CLCNKA: variants seen among roughly 807,000 people sequenced by gnomAD.
CLCNKA encodes the protein chloride voltage-gated channel Ka.
A neutral mutation model predicts 83.3 loss-of-function variants in CLCNKA; 66 were observed. The ratio of observed to expected loss-of-function variants is 0.79; its 90% CI spans 0.65 to 0.97. CLCNKA has a LOEUF of 0.97. Ranked by LOEUF, CLCNKA falls within the 50% of genes least tolerant of loss-of-function variation. CLCNKA has a pLI of 0.00. For synonymous variants in CLCNKA, 357 were observed against 370.4 expected, an observed-to-expected ratio of 0.96 and a Z score of 0.42; for missense variants, 806 against 888.7, an observed-to-expected ratio of 0.91 and a Z score of 1.18.
rs1450102753 is a variant in CLCNKA at position 16,024,881 on chromosome 1, C to T, written c.348C>T (p.Pro116=). The T allele has an allele frequency of 6.2e-7, 1 of 1,614,070 alleles. No homozygotes were observed. The highest frequency in any genetic ancestry group is 1.3e-5 in the African/African-American group (1 of 74,946). ...CAGGCTTCTCCCAGAGCATCACGCC[C>T]TCCTCTGGAGGTGAGTCCACGGTCG... is the stretch of plus-strand genomic sequence containing the variant. The part of the protein sequence containing the change: ...FSSGFSQSIT[P]SSGGSGIPEL... Residue 116 remains proline, a synonymous_variant, in exon 4 of 20, where the codon CCC becomes CCT. Transcript: ENST00000331433.
Position 16,031,852 on chromosome 1 carries a change from C to G in CLCNKA, c.1756+9C>G, listed in dbSNP as rs770111698. The G allele has an allele frequency of 1.2e-5, 20 of 1,613,636 alleles. No individual in the cohort carries two copies. The highest frequency in any genetic ancestry group is 2.7e-5 in the African/African-American group (2 of 74,932). On this transcript the variant is annotated intron_variant, in intron 16 of 19. Coordinates refer to ENST00000331433, the MANE Select transcript of CLCNKA (RefSeq NM_004070.4). The stretch of plus-strand genomic sequence containing the variant: ...CCTGGTGGAGAGCACAGGTGCCCAG[C>G]TGGAAGGGAGGAGGAAGTCGGGGGT...
chr1:16,031,639 T>G, intron 15 of CLCNKA, 71 bp from the exon 16 acceptor site: 2 of 1,609,626 alleles, frequency 1.2e-6, no homozygotes, highest in Non-Finnish European at 1.7e-6. Context: ...AAAGCTCCCC[T>G]CAGATCCCCT....
chr1:16,029,371 C>T, intron 12 of CLCNKA, 72 bp downstream of exon 12: 1 of 1,605,384 alleles, frequency 6.2e-7, no homozygotes, highest in Admixed American at 1.7e-5. Context: ...GGGTGCCTCC[C>T]TGCACCTGGT....
chr1:16,024,012 CGGTGCAGGGACGGACCTG>C (rs2022243672), intron 3 of CLCNKA, 84 bp downstream of exon 3: 1 of 1,547,374 alleles, frequency 6.5e-7, no homozygotes, highest in Non-Finnish European at 8.9e-7. Context: ...CCAAGTGCAG[CGGTGCAGGGACGGACCTG>C]GGTGCGGGGA....
chr1:16,026,887 T>G, intron 7 of CLCNKA, 112 bp downstream of exon 7: 2 of 1,425,248 alleles, frequency 1.4e-6, no homozygotes, highest in Non-Finnish European at 2.0e-6. Flanking sequence ...CTCATTCTTG[T>G]TCTCACTTCA....
At chr1:16,029,628 C>T (rs1222722570) in intron 12 of CLCNKA, 103 bp from the exon 13 acceptor site, 1 of 1,458,844 alleles carries the variant, frequency 6.9e-7, no homozygotes, top group Admixed American at 1.7e-5. Flanking sequence ...GGCTGGCACC[C>T]TCTTTCTATC....
Position 16,032,422 on chromosome 1 carries a change from A to G in CLCNKA, c.1846-21A>G, listed in dbSNP as rs1280307112. On this transcript the variant is annotated intron_variant, in intron 17 of 19. Transcript: ENST00000331433. Reference sequence around the variant, plus strand: ...TCCTGGGGAGGCCGGCCCTGCACCCATAACTCTTCCCCACTCCCAGCAGTG... The same window carrying G: ...TCCTGGGGAGGCCGGCCCTGCACCCGTAACTCTTCCCCACTCCCAGCAGTG... The G allele has an allele frequency of 1.9e-6, 3 of 1,605,354 alleles. No homozygotes were observed. The South Asian group carries it at 3.3e-5, about 18-fold the overall frequency.
In CLCNKA at chr1:16,033,095, G is replaced by A. The variant is rs1327388097; in HGVS notation, c.1930-75G>A. On this transcript the variant is annotated intron_variant, in intron 18 of 19. Transcript: ENST00000331433. ...GCCCCGCCCCTCTTCCTGGCTCAGA[G>A]GCGTGGCAGAGTGGGCCAGAGGGTG... 18 of 1,473,638 alleles carry A rather than the reference G, an allele frequency of 1.2e-5. No individual in the cohort carries two copies. The African/African-American group carries it at 2.2e-4, about 18-fold the overall frequency. 91.3% of individuals were successfully genotyped at this position (1,473,638 alleles called of 1,614,324 possible).
chr1:16,033,402 A>T, intron 19 of CLCNKA, 146 bp downstream of exon 19: 1 of 1,103,524 alleles, frequency 9.1e-7, no homozygotes, highest in Non-Finnish European at 1.3e-6. Context: ...TCTGGCCCAG[A>T]TTGGCCACTG....
intron 10 of CLCNKA, 58 bp downstream of exon 10, chr1:16,028,177 C>A: frequency 6.6e-7 from 1 of 1,516,238 alleles, no homozygotes; most frequent in Non-Finnish European, 9.2e-7. Flanking sequence ...GACTCCAGAC[C>A]TTATGTAGAA....
chr1:16,028,051 C>T lies in CLCNKA; in HGVS notation c.900C>T (p.Leu300=), dbSNP rs1460337906. The T allele has an allele frequency of 6.2e-7, 1 of 1,613,432 alleles. No homozygotes were observed. The highest frequency in any genetic ancestry group is 1.7e-5 in the Admixed American group (1 of 59,882). Residue 300 remains leucine (L), a synonymous_variant, in exon 10 of 20, where the codon CTC becomes CTT. Coordinates refer to ENST00000331433, the MANE Select transcript of CLCNKA (RefSeq NM_004070.4). ...GICGVLSCAY[L]FCQRTFLSFI... is the part of the protein sequence containing the mutation. ...GCGGCGTCCTGAGCTGTGCTTACCTCTTCTGTCAGCGAACCTTCCTCAGCT... is the reference window on the plus strand; with the variant it reads ...GCGGCGTCCTGAGCTGTGCTTACCTTTTCTGTCAGCGAACCTTCCTCAGCT...
In CLCNKA at chr1:16,027,353, C is replaced by T. The variant is rs762255896; in HGVS notation, c.699C>T (p.Val233=). The T allele has an allele frequency of 1.9e-6, 3 of 1,613,700 alleles. No individual in the cohort carries two copies. Among genetic ancestry groups the T allele is most frequent in the African/African-American group, 1.3e-5 (1 of 75,054 alleles). The change falls in exon 8 of 20, where the codon GTC becomes GTT. Residue 233 remains valine, a synonymous_variant. Transcript: ENST00000331433. The stretch of plus-strand genomic sequence containing the variant: ...AGGTCATGTCTTCCCACTTCTCTGT[C>T]CGGGATTACTGGAGGGGCTTCTTTG... ...SIEVMSSHFS[V]RDYWRGFFAA... is the part of the protein sequence containing the mutation.
In CLCNKA at chr1:16,031,720, G is replaced by A. The variant is rs1268178783; in HGVS notation, c.1633G>A (p.Val545Met). 6 of 1,613,798 alleles carry A rather than the reference G, an allele frequency of 3.7e-6. No individual in the cohort carries two copies. The highest frequency in any genetic ancestry group is 5.1e-6 in the Non-Finnish European group (6 of 1,180,036). The change falls in exon 16 of 20, where the codon GTG becomes ATG. Residue 545 changes from valine to methionine, a missense_variant. Val to Met is a conservative substitution (Grantham distance 21). Transcript: ENST00000331433. Reference protein sequence around the residue: ...ILGRNIGSHHVRVEHFMNHSI... With the variant: ...ILGRNIGSHHMRVEHFMNHSI... ...CCCCTCTGCCTGCAGCTCCCACCAT[G>A]TGAGGGTGGAGCACTTCATGAACCA...
rs2022425892 is a variant in CLCNKA, at chr1:16,027,736, C to T, written c.782-85C>T. The T allele has an allele frequency of 3.6e-6, 5 of 1,387,474 alleles. No homozygotes were observed. In the South Asian group the frequency reaches 6.4e-5, roughly 18 times the overall value. The allele number at this position is 1,387,474 out of a possible 1,614,324, so 85.9% of individuals were successfully genotyped here. On this transcript the variant is annotated intron_variant, in intron 8 of 19. Transcript: ENST00000331433. Reference sequence around the variant, plus strand: ...GATTCCGAGTCAGGACCTGGCACCCCCTCCACCCTGGGCTGTTAGTCTGGG... The same window carrying T: ...GATTCCGAGTCAGGACCTGGCACCCTCTCCACCCTGGGCTGTTAGTCTGGG...
chr1:16,027,521 C>A, intron 8 of CLCNKA, 86 bp downstream of exon 8: 2 of 1,572,528 alleles, frequency 1.3e-6, no homozygotes, highest in Non-Finnish European at 1.7e-6. Flanking sequence ...ACATCTCTTG[C>A]TCTTCCCTTC....
intron 7 of CLCNKA, 65 bp from the exon 8 acceptor site, chr1:16,027,245 G>A: frequency 2.5e-6 from 4 of 1,604,968 alleles, no homozygotes; most frequent in Non-Finnish European, 3.4e-6. Flanking sequence ...CGAGATGGGG[G>A]AGGGGGCCCT....
intron 4 of CLCNKA, 152 bp from the exon 5 acceptor site, chr1:16,025,956 A>C (rs994854978): frequency 2.1e-5 from 21 of 994,326 alleles, no homozygotes; most frequent in African/African-American, 3.1e-5. Context: ...GGGTTTCACC[A>C]TGTTGGCAAG....
At position 16,030,455 on chromosome 1, in the gene CLCNKA, C is replaced by G. The variant is rs373768486; in HGVS notation, c.1409-6C>G. On this transcript the variant is annotated splice_polypyrimidine_tract_variant and splice_region_variant and intron_variant, in intron 14 of 19. Transcript: ENST00000331433. ...TGAGCCGACCTGTGTGGCTCTGCCC[C>G]GGCAGGGGCTGCAGCCTTCTCAGGG... 53 of 1,612,296 alleles carry G rather than the reference C, an allele frequency of 3.3e-5. No homozygotes were observed. Among genetic ancestry groups the G allele is most frequent in the South Asian group, 5.5e-5 (5 of 91,070 alleles).
intron 16 of CLCNKA, 151 bp from the exon 17 acceptor site, chr1:16,032,052 C>T: frequency 8.7e-7 from 1 of 1,149,506 alleles, no homozygotes; most frequent in Middle Eastern, 1.9e-4. Flanking sequence ...GTTGACATGT[C>T]TAAAGAGAGT....
Sources: gnomAD v4.1 joint callset for allele counts on GRCh38, gnomAD v4.1.1 for gene constraint, MANE v1.5 for transcripts, NCBI Gene and HGNC (gene_info 2026-07-23, HGNC 2026-07-21) for gene names.